The following CCDC178 variants were observed in gnomAD, a reference collection of about 807,000 sequenced individuals.
CCDC178 encodes the protein coiled-coil domain containing 178.
In CCDC178, 126 loss-of-function variants were observed where a neutral mutation model predicts 117.4. The observed-to-expected ratio is 1.07, with a 90% CI of 0.93 to 1.24. CCDC178 has a LOEUF of 1.24. Ranked by LOEUF, CCDC178 falls within the 50% of genes most tolerant of loss-of-function variation. The pLI is 0.00. For synonymous variants in CCDC178, 283 were observed against 313.4 expected, an observed-to-expected ratio of 0.90 and a Z score of 1.02; for missense variants, 1,030 against 986.9, an observed-to-expected ratio of 1.04 and a Z score of -0.59.
intron 21 of CCDC178, among the ~76,000 whole-genome samples, chr18:32,991,638 A>G (rs2055395829): frequency 6.6e-6 from 1 of 151,996 alleles, no homozygotes; most frequent in Non-Finnish European, 1.5e-5. Flanking sequence ...CAAATGTCCC[A>G]CTACAGTTGC....
At chr18:33,183,303 C>A (rs559375485) in intron 20 of CCDC178, among the ~76,000 whole-genome samples, 2 of 151,954 alleles carry the variant, frequency 1.3e-5, no homozygotes, top group Non-Finnish European at 1.5e-5. Flanking sequence ...AGATGCCTGG[C>A]GGATTAAGCT....
rs1465987115 is a variant in CCDC178 at position 32,958,697 on chromosome 18, A to C, written c.2523+15850T>G. On this transcript the variant is annotated intron_variant, in intron 22 of 22. Transcript: ENST00000383096. ...TACTAAGGTACATAGAAGTCTATACATTCTGTAGTGTAATGACAATGTCCT... is the reference window on the plus strand; with the variant it reads ...TACTAAGGTACATAGAAGTCTATACCTTCTGTAGTGTAATGACAATGTCCT... 2.0e-5 allele frequency among the ~76,000 whole-genome samples: 3 copies of C among 152,202 alleles called. No individual in the cohort carries two copies. In the East Asian group the frequency reaches 5.8e-4, roughly 29 times the overall value.
chr18:33,222,003 T>C (rs2059240798), intron 18 of CCDC178, among the ~76,000 whole-genome samples: 1 of 152,092 alleles, frequency 6.6e-6, no homozygotes, highest in African/African-American at 2.4e-5. Context: ...AATAATTAAA[T>C]TACATTAGTG....
chr18:33,075,582 A>G (rs1351076661), intron 21 of CCDC178, among the ~76,000 whole-genome samples: 1 of 152,204 alleles, frequency 6.6e-6, no homozygotes, highest in Non-Finnish European at 1.5e-5. Flanking sequence ...ATTTTTAAAC[A>G]AGCAAAGAAC....
intron 14 of CCDC178, among the ~76,000 whole-genome samples, chr18:33,251,551 C>T (rs1246372842): frequency 6.6e-6 from 1 of 151,624 alleles, no homozygotes; most frequent in African/African-American, 2.4e-5. Context: ...TCTAATTGGC[C>T]CCAGTCCCTT....
At chr18:33,257,738 G>A (rs1324152909) in intron 14 of CCDC178, among the ~76,000 whole-genome samples, 1 of 151,936 alleles carries the variant, frequency 6.6e-6, no homozygotes, top group Non-Finnish European at 1.5e-5. Context: ...TCTCTTTTTA[G>A]ACATCTCAAA....
intron 21 of CCDC178, among the ~76,000 whole-genome samples, chr18:33,054,389 C>A (rs923342702): frequency 6.6e-6 from 1 of 152,178 alleles, no homozygotes; most frequent in South Asian, 2.1e-4. Flanking sequence ...TTAGGCCCAG[C>A]ATCCATTAGT....
chr18:33,418,700 AC>A (rs1370252484), intron 2 of CCDC178, among the ~76,000 whole-genome samples: 1 of 152,060 alleles, frequency 6.6e-6, no homozygotes, highest in Non-Finnish European at 1.5e-5. Context: ...CACCAACAAC[AC>A]CCCAGCTGAA....
intron 20 of CCDC178, among the ~76,000 whole-genome samples, chr18:33,208,018 A>G (rs1253542329): frequency 6.6e-6 from 1 of 152,102 alleles, no homozygotes; most frequent in African/African-American, 2.4e-5. Flanking sequence ...CTCTGATACA[A>G]AATTAGCACT....
At chr18:33,069,151 C>T (rs2057068312) in intron 21 of CCDC178, among the ~76,000 whole-genome samples, 1 of 152,062 alleles carries the variant, frequency 6.6e-6, no homozygotes, top group African/African-American at 2.4e-5. Flanking sequence ...TATCAAAATA[C>T]CAATGACAGT....
At chr18:33,326,584 GCTAT>G (rs2062587606) in intron 10 of CCDC178, among the ~76,000 whole-genome samples, 1 of 152,090 alleles carries the variant, frequency 6.6e-6, no homozygotes, top group South Asian at 2.1e-4. Context: ...TTATATTTTG[GCTAT>G]CTATGAGGCA....
intron 4 of CCDC178, 148 bp downstream of exon 4, chr18:33,397,001 A>T: frequency 1.7e-6 from 1 of 571,758 alleles, no homozygotes; most frequent in Non-Finnish European, 3.1e-6. Flanking sequence ...TTTTTTAAAG[A>T]AGCGTTACGA....
chr18:33,081,827 T>C (rs1235742554), intron 21 of CCDC178, among the ~76,000 whole-genome samples: 4 of 152,210 alleles, frequency 2.6e-5, no homozygotes, highest in African/African-American at 9.6e-5. Context: ...CCTGTGTGTG[T>C]TTTATTTGTT....
chr18:33,420,439 T>C (rs942876188), intron 2 of CCDC178, among the ~76,000 whole-genome samples: 1 of 152,180 alleles, frequency 6.6e-6, no homozygotes, highest in African/African-American at 2.4e-5. Flanking sequence ...CCACAACCTC[T>C]GCCTCCCAGG....
chr18:33,423,207 C>T (rs2064055806), intron 2 of CCDC178, among the ~76,000 whole-genome samples: 1 of 152,128 alleles, frequency 6.6e-6, no homozygotes, highest in South Asian at 2.1e-4. Context: ...CCTATTCAGT[C>T]CTCAGTGGTC....
intron 5 of CCDC178, among the ~76,000 whole-genome samples, chr18:33,388,779 A>G (rs1006500895): frequency 2.0e-5 from 3 of 151,946 alleles, no homozygotes; most frequent in Non-Finnish European, 4.4e-5. Flanking sequence ...TCGGCCTCCC[A>G]AAGTTACACC....
At chr18:33,341,491 T>C (rs766807049) in intron 9 of CCDC178, among the ~76,000 whole-genome samples, 6 of 152,102 alleles carry the variant, frequency 3.9e-5, no homozygotes, top group Admixed American at 2.6e-4. Context: ...TAGAATGATA[T>C]AGTTTGGCTG....
At chr18:33,215,070 C>A (rs2059149210) in intron 19 of CCDC178, among the ~76,000 whole-genome samples, 1 of 151,890 alleles carries the variant, frequency 6.6e-6, no homozygotes, top group Non-Finnish European at 1.5e-5. Flanking sequence ...GACTTACTAA[C>A]CCTGAACAAT....
Position 33,325,322 on chromosome 18 carries a change from C to G in CCDC178, c.880-1689G>C, listed in dbSNP as rs1033713408. Among the ~76,000 whole-genome samples the G allele has an allele frequency of 2.0e-5, 3 of 151,778 alleles. No homozygotes were observed. In the South Asian group the frequency reaches 6.2e-4, roughly 32 times the overall value. On this transcript the variant is annotated intron_variant, in intron 10 of 22. Transcript: ENST00000383096. Reference sequence around the variant, plus strand: ...CATGTTAATACAATAAATTATATACCTAGATTTTCTGCTGTTAAACCATTG... The same window carrying G: ...CATGTTAATACAATAAATTATATACGTAGATTTTCTGCTGTTAAACCATTG...
Sources: gnomAD v4.1 joint callset for allele counts (sites outside exome capture counted in the v4.1 genomes callset) on GRCh38, gnomAD v4.1.1 for gene constraint, MANE v1.5 for transcripts, NCBI Gene and HGNC (gene_info 2026-07-23, HGNC 2026-07-21) for gene names.